The following ZC3H18 variants were observed in gnomAD, a reference collection of about 807,000 sequenced individuals.
ZC3H18 encodes zinc finger CCCH-type containing 18, also known as zinc finger CCCH domain-containing protein 18.
Under a neutral mutation model 106.1 loss-of-function variants are expected in ZC3H18, and 8 were observed. The ratio of observed to expected loss-of-function variants is 0.08; its 90% CI spans 0.04 to 0.14. The LOEUF (loss-of-function observed/expected upper bound fraction) is 0.14. ZC3H18 is among the 10% of genes least tolerant of loss of function. The probability of loss-of-function intolerance (pLI) is 1.00; values close to 1 mark genes in which losing one functional copy is unlikely to be tolerated. For missense variants in ZC3H18, 1,318 were observed against 1,278.4 expected, an observed-to-expected ratio of 1.03 and a Z score of -0.47; for synonymous variants, 635 against 522.1, an observed-to-expected ratio of 1.22 and a Z score of -2.95.
intron 3 of ZC3H18, among the ~76,000 whole-genome samples, chr16:88,590,564 C>CTTTTTTTTTTTTTTTTTTTTTTT (rs57632461): frequency 9.9e-6 from 1 of 100,672 alleles, no homozygotes; most frequent in Non-Finnish European, 1.9e-5. Context: ...TTCTTTATTT[C>CTTTTTTTTTTTTTTTTTTTTTTT]TTTTTTTTTT....
intron 5 of ZC3H18, among the ~76,000 whole-genome samples, chr16:88,599,083 C>G (rs1240646647): frequency 2.0e-5 from 3 of 152,178 alleles, no homozygotes; most frequent in Non-Finnish European, 2.9e-5. Flanking sequence ...GGAGTTCAGT[C>G]CAGGGCATAC....
At chr16:88,606,923 C>G (rs779202996) in intron 6 of ZC3H18, among the ~76,000 whole-genome samples, 3 of 152,130 alleles carry the variant, frequency 2.0e-5, no homozygotes, top group Non-Finnish European at 2.9e-5. Context: ...AGGTTCCCAC[C>G]CAGTCTACCC....
rs192788962 is a variant in ZC3H18, at chr16:88,622,152, A to C, written c.1476-45A>C. ...TGCTGTCACACCTGGCATTGCTGTG[A>C]AGCGGAAGGTGGCCTGAGAGTTGCT... On this transcript the variant is annotated intron_variant, in intron 8 of 17. Transcript: ENST00000301011. 258 of 1,573,890 alleles carry C rather than the reference A, an allele frequency of 1.6e-4. 2 individuals are homozygous for C. The Admixed American group carries it at 4.6e-3, about 28-fold the overall frequency.
At chr16:88,624,549 C>T (rs2142817937) in intron 11 of ZC3H18, 53 bp from the exon 12 acceptor site, 7 of 1,611,956 alleles carry the variant, frequency 4.3e-6, no homozygotes, top group Non-Finnish European at 5.9e-6. Flanking sequence ...GGATGTAGGC[C>T]AGCGGGGCCC....
intron 3 of ZC3H18, among the ~76,000 whole-genome samples, chr16:88,594,190 C>G (rs977801407): frequency 3.9e-5 from 6 of 152,128 alleles, no homozygotes; most frequent in Admixed American, 2.6e-4. Context: ...GGTCAGCATT[C>G]AAGAGATTCG....
chr16:88,591,705 G>A (rs896634541), intron 3 of ZC3H18, among the ~76,000 whole-genome samples: 2 of 152,258 alleles, frequency 1.3e-5, no homozygotes, highest in Admixed American at 1.3e-4. Flanking sequence ...TGTGAACGTG[G>A]GCGTAAAAAT....
chr16:88,588,691 G>A (rs1915574435), intron 3 of ZC3H18, among the ~76,000 whole-genome samples: 1 of 152,116 alleles, frequency 6.6e-6, no homozygotes, highest in African/African-American at 2.4e-5. Context: ...GACCAGCCTG[G>A]GCAACATAGT....
chr16:88,573,855 C>T (rs1365663004), intron 1 of ZC3H18, among the ~76,000 whole-genome samples: 2 of 151,880 alleles, frequency 1.3e-5, no homozygotes, highest in Admixed American at 6.6e-5. Context: ...GTTTGTAAAT[C>T]TATGTTATTG....
At chr16:88,601,880 C>G (rs1156525397) in intron 6 of ZC3H18, among the ~76,000 whole-genome samples, 2 of 151,994 alleles carry the variant, frequency 1.3e-5, no homozygotes, top group African/African-American at 4.8e-5. Context: ...GGTGCCCTGG[C>G]TGTTTCTGAT....
At chr16:88,600,951 T>C (rs1379613049) in intron 6 of ZC3H18, among the ~76,000 whole-genome samples, 1 of 152,248 alleles carries the variant, frequency 6.6e-6, no homozygotes, top group African/African-American at 2.4e-5. Context: ...TAGGGAATCA[T>C]AATCACTATG....
In ZC3H18 at chr16:88,577,255, G is replaced by A. The variant is rs1436611610; in HGVS notation, c.132G>A (p.Arg44=). Residue 44 remains arginine, a synonymous_variant, in exon 2 of 18, where the codon AGG becomes AGA. Coordinates refer to ENST00000301011, the MANE Select transcript of ZC3H18 (RefSeq NM_144604.4). ...AGGATTTGGACGGGGCGGGGGTGAG[G>A]GCTTCTGATCTGGAGGATGAGGAAA... The part of the protein sequence containing the change: ...SDQDLDGAGV[R]ASDLEDEESA... 6.2e-7 allele frequency: 1 copy of A among 1,613,602 alleles called. No homozygotes were observed. Among genetic ancestry groups the A allele is most frequent in the Non-Finnish European group, 8.5e-7 (1 of 1,179,842 alleles).
intron 2 of ZC3H18, among the ~76,000 whole-genome samples, chr16:88,584,328 A>G (rs576871338): frequency 6.6e-6 from 1 of 152,164 alleles, no homozygotes; most frequent in East Asian, 1.9e-4. Flanking sequence ...AGGCTGAGGC[A>G]AGAGAATTGC....
chr16:88,630,540 G>T lies in ZC3H18; in HGVS notation c.2622G>T (p.Gln874His). 6.2e-7 allele frequency: 1 copy of T among 1,612,576 alleles called. No homozygotes were observed. Among genetic ancestry groups the T allele is most frequent in the African/African-American group, 1.3e-5 (1 of 75,048 alleles). The change falls in exon 17 of 18, where the codon CAG becomes CAT. Residue 874 changes from glutamine (Q) to histidine (H), a missense_variant. Gln to His is a conservative substitution (Grantham distance 24). This residue lies in a region of ZC3H18 where 848 missense variants were observed against 821.7 expected (regional missense o/e 1.03). Coordinates refer to ENST00000301011, the MANE Select transcript of ZC3H18 (RefSeq NM_144604.4). ...TGGGCTCCCCGAAGCCAGAGCGGCAGAGAGGCCAGAACTCCAAAGCCCCTG... is the reference window on the plus strand; with the variant it reads ...TGGGCTCCCCGAAGCCAGAGCGGCATAGAGGCCAGAACTCCAAAGCCCCTG... Reference protein sequence around the residue: ...GRLGSPKPERQRGQNSKAPAA... With the variant: ...GRLGSPKPERHRGQNSKAPAA...
At chr16:88,597,044 C>G (rs1298582925) in intron 3 of ZC3H18, among the ~76,000 whole-genome samples, 1 of 152,180 alleles carries the variant, frequency 6.6e-6, no homozygotes, top group Non-Finnish European at 1.5e-5. Context: ...CTTCAGCCTC[C>G]CAAGTAGCTG....
intron 3 of ZC3H18, among the ~76,000 whole-genome samples, chr16:88,592,221 G>A (rs1394180693): frequency 1.3e-5 from 2 of 152,204 alleles, no homozygotes; most frequent in African/African-American, 4.8e-5. Context: ...ATTTCAGTGG[G>A]TAGGAGGTAA....
At chr16:88,630,432 C>T in intron 16 of ZC3H18, 53 bp from the exon 17 acceptor site, 1 of 1,488,432 alleles carries the variant, frequency 6.7e-7, no homozygotes, top group Non-Finnish European at 9.3e-7. Context: ...GCCACCCACA[C>T]AGCCATTCCC....
chr16:88,631,325 A>C lies in ZC3H18; in HGVS notation c.*26A>C, dbSNP rs1014933553. ...GCCGTGCCCCGACCGGACTGGACGC[A>C]TTTTTATACATAGGGTAAGCGCAGC... On this transcript the variant is annotated 3_prime_UTR_variant, in exon 18 of 18. Coordinates refer to ENST00000301011, the MANE Select transcript of ZC3H18 (RefSeq NM_144604.4). 1 of 1,554,746 alleles carries C rather than the reference A, an allele frequency of 6.4e-7. No homozygotes were observed. The highest frequency in any genetic ancestry group is 2.4e-5 in the East Asian group (1 of 41,024).
intron 7 of ZC3H18, among the ~76,000 whole-genome samples, chr16:88,609,978 G>A (rs555152485): frequency 5.3e-5 from 8 of 152,142 alleles, no homozygotes; most frequent in Admixed American, 3.9e-4. Flanking sequence ...CTCCCTGCTC[G>A]GGCGTGTCAC....
At chr16:88,620,647 T>A (rs960818142) in intron 8 of ZC3H18, among the ~76,000 whole-genome samples, 9 of 151,360 alleles carry the variant, frequency 5.9e-5, no homozygotes, top group Non-Finnish European at 7.4e-5. Context: ...TTAGTTTGTG[T>A]CTGGGTGGTG....
Sources: allele counts gnomAD v4.1 joint callset (sites outside exome capture counted in the v4.1 genomes callset), GRCh38; gene constraint gnomAD v4.1.1; regional missense constraint gnomAD v4.1.1; transcripts MANE v1.5; gene names NCBI Gene and HGNC (gene_info 2026-07-23, HGNC 2026-07-21).